Variants in FRMD3 observed in about 807,000 individuals in gnomAD.
The protein encoded by FRMD3 is FERM domain-containing protein 3.
FRMD3 carries 33 observed loss-of-function variants against 70.2 expected under a neutral mutation model. The observed-to-expected ratio is 0.47, with a 90% CI of 0.36 to 0.63. The LOEUF (loss-of-function observed/expected upper bound fraction) is 0.63, where lower values mean the gene tolerates loss of function less well. Among genes scored for constraint, FRMD3 ranks in the 20% least tolerant of loss-of-function variants. The pLI is 0.00. For missense variants in FRMD3, 632 were observed against 711.4 expected (o/e 0.89, Z 1.27); for synonymous variants, 279 against 255.9 (o/e 1.09, Z -0.86).
At chr9:83,415,948 G>A (rs1826428155) in intron 1 of FRMD3, among the ~76,000 whole-genome samples, 2 of 152,182 alleles carry the variant, frequency 1.3e-5, no homozygotes, top group African/African-American at 4.8e-5. Context: ...ATCCTTAGTA[G>A]TAAATGATGT....
At chr9:83,390,079 G>A (rs1825624763) in intron 1 of FRMD3, among the ~76,000 whole-genome samples, 1 of 152,136 alleles carries the variant, frequency 6.6e-6, no homozygotes, top group African/African-American at 2.4e-5. Context: ...CACATACAAC[G>A]GCCTAACTGC....
intron 5 of FRMD3, among the ~76,000 whole-genome samples, chr9:83,336,821 C>T (rs1823597117): frequency 6.6e-6 from 1 of 151,424 alleles, no homozygotes; most frequent in African/African-American, 2.4e-5. Flanking sequence ...AAGGGTTAAA[C>T]AGAAACCAGC....
chr9:83,509,541 GCAGCT>G (rs1179872875), intron 1 of FRMD3, among the ~76,000 whole-genome samples: 1 of 152,172 alleles, frequency 6.6e-6, no homozygotes, highest in East Asian at 1.9e-4. Context: ...CTCCCCAGGA[GCAGCT>G]CGTTTAATTG....
chr9:83,481,727 G>A (rs1828571046), intron 1 of FRMD3, among the ~76,000 whole-genome samples: 1 of 151,930 alleles, frequency 6.6e-6, no homozygotes, highest in Non-Finnish European at 1.5e-5. Flanking sequence ...TGGAAAAGAG[G>A]GGTCACCAAA....
chr9:83,272,938 G>A (rs1179048785), intron 13 of FRMD3, among the ~76,000 whole-genome samples: 10 of 147,958 alleles, frequency 6.8e-5, no homozygotes, highest in Admixed American at 6.0e-4. Context: ...GAGCCCCTCC[G>A]CCCGGCAGCC....
the FRMD3 span, among the ~76,000 whole-genome samples, chr9:83,577,204 T>A: frequency 2.0e-5 from 3 of 152,080 alleles, no homozygotes; most frequent in Admixed American, 2.0e-4. Flanking sequence ...TGACTTTTTT[T>A]TTCCAGAAAC....
chr9:83,411,215 G>T (rs182576594), intron 1 of FRMD3, among the ~76,000 whole-genome samples: 16 of 152,320 alleles, frequency 1.1e-4, no homozygotes, highest in Admixed American at 5.2e-4. Flanking sequence ...GAGTAGATAA[G>T]TTGGGGCTAA....
chr9:83,358,060 G>A (rs1345184157), intron 3 of FRMD3, among the ~76,000 whole-genome samples: 1 of 152,176 alleles, frequency 6.6e-6, no homozygotes, highest in Middle Eastern at 3.2e-3. Context: ...AATCTTAATG[G>A]TTTCAGGTCT....
At chr9:83,393,010 G>A (rs1447667027) in intron 1 of FRMD3, among the ~76,000 whole-genome samples, 1 of 152,230 alleles carries the variant, frequency 6.6e-6, no homozygotes, top group Non-Finnish European at 1.5e-5. Flanking sequence ...CATGTGAAAA[G>A]TAGTAAGATA....
intron 5 of FRMD3, among the ~76,000 whole-genome samples, chr9:83,336,585 A>G (rs1823587709): frequency 6.7e-6 from 1 of 148,888 alleles, no homozygotes; most frequent in African/African-American, 2.5e-5. Context: ...ATTGCTCTTG[A>G]AATTAAGGAG....
intron 1 of FRMD3, among the ~76,000 whole-genome samples, chr9:83,442,898 A>C (rs753682858): frequency 6.6e-6 from 1 of 152,262 alleles, no homozygotes; most frequent in Non-Finnish European, 1.5e-5. Flanking sequence ...AGTCATAAAA[A>C]GACTTCTGCA....
At chr9:83,395,468 T>A (rs1459080984) in intron 1 of FRMD3, among the ~76,000 whole-genome samples, 1 of 152,102 alleles carries the variant, frequency 6.6e-6, no homozygotes, top group African/African-American at 2.4e-5. Context: ...TTTTTTCTGA[T>A]CCTCTCCCTC....
At chr9:83,280,162 G>A (rs925468726) in intron 13 of FRMD3, among the ~76,000 whole-genome samples, 2 of 152,186 alleles carry the variant, frequency 1.3e-5, no homozygotes, top group African/African-American at 4.8e-5. Flanking sequence ...TGTTACAGAA[G>A]AGAAAATAAG....
Position 83,381,901 on chromosome 9 carries a change from T to C in FRMD3, c.252+7703A>G, listed in dbSNP as rs556251477. Reference sequence around the variant, plus strand: ...AGCATGAAAGCAGCTGCAGACAATATGTAAATGAACAGAATTAGCTGAGTT... The same window carrying C: ...AGCATGAAAGCAGCTGCAGACAATACGTAAATGAACAGAATTAGCTGAGTT... On this transcript the variant is annotated intron_variant, in intron 2 of 13. Coordinates refer to ENST00000304195, the MANE Select transcript of FRMD3 (RefSeq NM_174938.6). Among the ~76,000 whole-genome samples, 12 of 152,268 alleles carry C rather than the reference T, an allele frequency of 7.9e-5. No individual in the cohort carries two copies. The South Asian group carries it at 2.5e-3, about 32-fold the overall frequency.
At chr9:83,541,954 A>T (rs1160165952), upstream of FRMD3, among the ~76,000 whole-genome samples, 2 of 151,894 alleles carry the variant, frequency 1.3e-5, no homozygotes, top group Non-Finnish European at 1.5e-5. Flanking sequence ...TATTATTATT[A>T]TTTTTTACCG....
intron 1 of FRMD3, among the ~76,000 whole-genome samples, chr9:83,495,075 T>A (rs1236567658): frequency 6.6e-6 from 1 of 152,210 alleles, no homozygotes; most frequent in Non-Finnish European, 1.5e-5. Flanking sequence ...TCCAATTGTT[T>A]AGTTATATAA....
intron 1 of FRMD3, among the ~76,000 whole-genome samples, chr9:83,499,451 C>T (rs552177183): frequency 2.7e-4 from 41 of 152,260 alleles, no homozygotes; most frequent in Non-Finnish European, 4.6e-4. Context: ...TTTTCTGAAA[C>T]GTGTGGGACC....
intron 13 of FRMD3, among the ~76,000 whole-genome samples, chr9:83,280,568 T>A (rs988242376): frequency 2.0e-4 from 31 of 152,194 alleles, no homozygotes. Flanking sequence ...AACAGAGATT[T>A]CAGAGTTTCA....
intron 13 of FRMD3, among the ~76,000 whole-genome samples, chr9:83,278,656 A>G (rs1833869582): frequency 6.6e-6 from 1 of 152,204 alleles, no homozygotes; most frequent in Non-Finnish European, 1.5e-5. Context: ...GACATAAGAC[A>G]TGAAGGATGA....
Sources: allele counts gnomAD v4.1 joint callset (sites outside exome capture counted in the v4.1 genomes callset), GRCh38; gene constraint gnomAD v4.1.1; transcripts MANE v1.5; gene names NCBI Gene and HGNC (gene_info 2026-07-23, HGNC 2026-07-21).